The following SPAST variants were observed in gnomAD, a reference collection of about 807,000 sequenced individuals.
SPAST encodes the protein spastic paraplegia 4 (autosomal dominant; spastin).
A neutral mutation model predicts 76.6 loss-of-function variants in SPAST; 30 were observed. The observed-to-expected ratio is 0.39, with a 90% confidence interval of 0.29 to 0.53. The LOEUF (loss-of-function observed/expected upper bound fraction) is 0.53, where lower values mean the gene tolerates loss of function less well. SPAST is among the 20% of genes least tolerant of loss of function. The probability of loss-of-function intolerance (pLI) is 0.68; values close to 1 mark genes in which losing one functional copy is unlikely to be tolerated. For synonymous variants in SPAST, 305 were observed against 281.0 expected (o/e 1.09, Z -0.86); for missense variants, 717 against 770.5 (o/e 0.93, Z 0.82).
chr2:32,128,308 T>A, intron 8 of SPAST, 100 bp from the exon 9 acceptor site: 1 of 930,008 alleles, frequency 1.1e-6, no homozygotes, highest in Non-Finnish European at 1.7e-6. Context: ...TAGCTTACAT[T>A]TTTAGAGAAT....
Position 32,143,375 on chromosome 2 carries a change from G to C in SPAST, c.1576G>C (p.Gly526Arg), listed in dbSNP as rs1679784981. The C allele has an allele frequency of 1.9e-6, 3 of 1,609,828 alleles. No individual in the cohort carries two copies. In the African/African-American group the frequency reaches 4.0e-5, roughly 22 times the overall value. ...LLLKNLLCKQ[G>R]SPLTQKELAQ... ...GCTTAAAAATCTGTTATGTAAACAA[G>C]GAAGTCCATTGACCCAAAAAGAACT... Residue 526 changes from glycine to arginine, a missense_variant, in exon 14 of 17, where the codon GGA (glycine) becomes CGA (arginine). This residue lies in a region of SPAST where 96 missense variants were observed against 127.6 expected (regional missense o/e 0.75). Coordinates refer to ENST00000315285, the MANE Select transcript of SPAST (RefSeq NM_014946.4).
intron 4 of SPAST, among the ~76,000 whole-genome samples, chr2:32,105,181 T>G (rs1678273211): frequency 6.6e-6 from 1 of 152,182 alleles, no homozygotes; most frequent in Non-Finnish European, 1.5e-5. Context: ...AAACTTCTCT[T>G]CTGGCTTCAT....
intron 7 of SPAST, 147 bp from the exon 8 acceptor site, chr2:32,126,801 A>G (rs1018451665): frequency 2.1e-5 from 13 of 620,878 alleles, no homozygotes; most frequent in Non-Finnish European, 3.5e-5. Flanking sequence ...TAATTATTAC[A>G]TTAATTTATG....
chr2:32,084,188 T>C (rs1677376813), intron 1 of SPAST, among the ~76,000 whole-genome samples: 1 of 151,970 alleles, frequency 6.6e-6, no homozygotes, highest in African/African-American at 2.4e-5. Context: ...GTTTGTTTTT[T>C]TGAGACAGAG....
chr2:32,069,042 G>A (rs1429624137), intron 1 of SPAST, among the ~76,000 whole-genome samples: 1 of 151,934 alleles, frequency 6.6e-6, no homozygotes, highest in Admixed American at 6.6e-5. Context: ...GTGAAACCCC[G>A]TCTCTACTAA....
chr2:32,081,645 G>T (rs184461886), intron 1 of SPAST, among the ~76,000 whole-genome samples: 1 of 151,668 alleles, frequency 6.6e-6, no homozygotes, highest in South Asian at 2.1e-4. Context: ...TTAGCTGGGC[G>T]TGGTAGCGTG....
chr2:32,063,952 C>T lies in SPAST; in HGVS notation c.121C>T (p.Pro41Ser). 1 of 1,610,942 alleles carries T rather than the reference C, an allele frequency of 6.2e-7. No individual in the cohort carries two copies. Among genetic ancestry groups the T allele is most frequent in the South Asian group, 1.1e-5 (1 of 90,650 alleles). The change falls in exon 1 of 17, where the codon CCG becomes TCG. Residue 41 changes from proline to serine, a missense_variant. Physicochemically the swap from Pro to Ser is moderately conservative, Grantham distance 74. Around this residue, in one of 3 missense-constraint regions of SPAST, gnomAD observed 543 missense variants for 445.2 expected, o/e 1.22. Coordinates refer to ENST00000315285, the MANE Select transcript of SPAST (RefSeq NM_014946.4). ...PAPPAAGPAP[P>S]PESPHKRNLY... The stretch of plus-strand genomic sequence containing the variant: ...CCCTCCCGCCGCCGGGCCGGCCCCT[C>T]CGCCCGAGTCGCCGCATAAGCGGAA...
chr2:32,126,626 G>C (rs993822489), intron 7 of SPAST: 1 of 202,018 alleles, frequency 5.0e-6, no homozygotes, highest in African/African-American at 2.4e-5. Flanking sequence ...GAGCTCAGGT[G>C]ATCCAGCACA....
intron 1 of SPAST, among the ~76,000 whole-genome samples, chr2:32,068,047 C>T (rs1224016636): frequency 6.7e-6 from 1 of 150,226 alleles, no homozygotes; most frequent in East Asian, 1.9e-4. Context: ...GGCGCGATCT[C>T]GGCTCACTGC....
chr2:32,100,667 G>A (rs1156420998), intron 4 of SPAST, among the ~76,000 whole-genome samples: 2 of 151,918 alleles, frequency 1.3e-5, no homozygotes, highest in Admixed American at 6.6e-5. Flanking sequence ...GTGTCCAAGT[G>A]TTCTCATTGT....
chr2:32,156,354 T>C lies in SPAST; in HGVS notation c.*1858T>C, dbSNP rs573241334. 6.6e-6 allele frequency: 1 copy of C among 152,340 alleles called. No individual in the cohort carries two copies. Among genetic ancestry groups the C allele is most frequent in the East Asian group, 1.9e-4 (1 of 5,188 alleles). 9.4% of individuals were successfully genotyped at this position (152,340 alleles called of 1,614,324 possible). Reference sequence around the variant, plus strand: ...GCCCAGCCAGAAGATGCATGATTTCTTAGGATCATATGCTGTTTGTAGCCA... The same window carrying C: ...GCCCAGCCAGAAGATGCATGATTTCCTAGGATCATATGCTGTTTGTAGCCA... On this transcript the variant is annotated 3_prime_UTR_variant, in exon 17 of 17. Coordinates refer to ENST00000315285, the MANE Select transcript of SPAST (RefSeq NM_014946.4).
At chr2:32,068,465 G>T (rs1188744437) in intron 1 of SPAST, among the ~76,000 whole-genome samples, 3 of 151,840 alleles carry the variant, frequency 2.0e-5, no homozygotes, top group African/African-American at 7.3e-5. Context: ...GGGATTACAG[G>T]CATGTGCCAC....
chr2:32,125,471 CCT>C (rs1679158999), intron 7 of SPAST, among the ~76,000 whole-genome samples: 1 of 152,232 alleles, frequency 6.6e-6, no homozygotes, highest in African/African-American at 2.4e-5. Flanking sequence ...GATCTGCCCG[CCT>C]CGGCCTCCCA....
rs1259708183 is a variant in SPAST, at chr2:32,071,635, C to A, written c.415+7389C>A. On this transcript the variant is annotated intron_variant, in intron 1 of 16. Transcript: ENST00000315285. The stretch of plus-strand genomic sequence containing the variant: ...TAAACATGTAAGATGTACATTGGTT[C>A]CATCTGGAAAGGCAGGAAAACTAGA... 3.3e-5 allele frequency among the ~76,000 whole-genome samples: 5 copies of A among 152,076 alleles called. No individual in the cohort carries two copies. The East Asian group carries it at 9.6e-4, about 29-fold the overall frequency.
chr2:32,124,076 A>G (rs1392807825), intron 7 of SPAST, among the ~76,000 whole-genome samples: 1 of 152,228 alleles, frequency 6.6e-6, no homozygotes, highest in Admixed American at 6.5e-5. Flanking sequence ...TGTTAGGAGA[A>G]TGAAAAGACA....
At chr2:32,143,652 A>G (rs1274222664) in intron 14 of SPAST, among the ~76,000 whole-genome samples, 1 of 152,138 alleles carries the variant, frequency 6.6e-6, no homozygotes. Flanking sequence ...ATGATAGTAT[A>G]TTCTTTTTAT....
chr2:32,073,330 G>C (rs1249730943), intron 1 of SPAST, among the ~76,000 whole-genome samples: 4 of 152,124 alleles, frequency 2.6e-5, no homozygotes, highest in Non-Finnish European at 5.9e-5. Flanking sequence ...ACTGCACCTG[G>C]CTGGATATTG....
chr2:32,120,782 C>T (rs1386712587), intron 7 of SPAST, among the ~76,000 whole-genome samples: 1 of 151,772 alleles, frequency 6.6e-6, no homozygotes, highest in East Asian at 1.9e-4. Flanking sequence ...GATTTATTTT[C>T]TCATTTTGAT....
chr2:32,090,327 C>T (rs1382483746), intron 3 of SPAST, among the ~76,000 whole-genome samples: 1 of 152,188 alleles, frequency 6.6e-6, no homozygotes, highest in Non-Finnish European at 1.5e-5. Flanking sequence ...TATTTACTGT[C>T]TGGCCCTGAG....
Sources: allele counts gnomAD v4.1 joint callset (sites outside exome capture counted in the v4.1 genomes callset), GRCh38; gene constraint gnomAD v4.1.1; regional missense constraint gnomAD v4.1.1; transcripts MANE v1.5; gene names NCBI Gene and HGNC (gene_info 2026-07-23, HGNC 2026-07-21).